The following SEPTIN4 variants were observed in gnomAD, a reference collection of about 807,000 sequenced individuals.
The protein encoded by SEPTIN4 is septin 4.
SEPTIN4 carries 52 observed loss-of-function variants against 107.1 expected under a neutral mutation model. The ratio of observed to expected loss-of-function variants is 0.49; its 90% confidence interval spans 0.39 to 0.61. The LOEUF is 0.61. Ranked by LOEUF, SEPTIN4 falls within the 20% of genes least tolerant of loss-of-function variation. SEPTIN4 has a pLI of 0.00. For synonymous variants in SEPTIN4, 417 were observed against 467.0 expected (o/e 0.89, Z 1.38); for missense variants, 1,048 against 1,243.5 (o/e 0.84, Z 2.36).
chr17:58,543,325 A>C lies in SEPTIN4; in HGVS notation c.862T>G (p.Ser288Ala). The part of the protein sequence containing the change: ...LKDSDGVHRV[S>A]ARVDPESLHK... ...AGAGACTCAGGGTCTACCCGTGCAG[A>C]AACTCGGTGTACACCATCAGAATCT... is the stretch of plus-strand genomic sequence containing the variant. The change falls in exon 1 of 14, where the codon TCT becomes GCT. Residue 288 changes from serine to alanine, a missense_variant. Physicochemically the swap from Ser to Ala is moderately conservative, Grantham distance 99. Coordinates refer to ENST00000672673, the MANE Select transcript of SEPTIN4 (RefSeq NM_001368771.2). The C allele has an allele frequency of 6.2e-7, 1 of 1,614,198 alleles. No individual in the cohort carries two copies. Among genetic ancestry groups the C allele is most frequent in the Non-Finnish European group, 8.5e-7 (1 of 1,180,034 alleles).
At position 58,543,067 on chromosome 17, in the gene SEPTIN4, G is replaced by C; in HGVS notation, c.1120C>G (p.Gln374Glu). Residue 374 changes from glutamine to glutamate, a missense_variant, in exon 1 of 14, where the codon CAG (glutamine) becomes GAG (glutamate). Transcript: ENST00000672673. ...ATTTCTGGGGGTTTTTGGGTTTGCT[G>C]TTTATAGATGGGCTCTGGAGTAACA... ...MFVTPEPIYKQQTQKPPEITY... is the reference protein window; with the variant it reads ...MFVTPEPIYKEQTQKPPEITY... 6.2e-7 allele frequency: 1 copy of C among 1,612,064 alleles called. No individual in the cohort carries two copies. The highest frequency in any genetic ancestry group is 8.5e-7 in the Non-Finnish European group (1 of 1,179,204).
chr17:58,526,028 T>C (rs569132170), intron 5 of SEPTIN4, among the ~76,000 whole-genome samples, 192 bp downstream of exon 5: 1 of 151,864 alleles, frequency 6.6e-6, no homozygotes, highest in East Asian at 1.9e-4. Context: ...TTGCAACCAA[T>C]TCGAACCCCC....
rs2043934001 is a variant in SEPTIN4, at chr17:58,543,294, T to C, written c.893A>G (p.Lys298Arg). The stretch of plus-strand genomic sequence containing the variant: ...CTTGGTTTCAGGATAGGCAGAATAC[T>C]TATGAAGAGACTCAGGGTCTACCCG... ...SARVDPESLH[K>R]YSAYPETKPS... Residue 298 changes from lysine (K) to arginine (R), a missense_variant, in exon 1 of 14, where the codon AAG (lysine) becomes AGG (arginine). Lys to Arg is a conservative substitution (Grantham distance 26, BLOSUM62 2). Transcript: ENST00000672673. The C allele has an allele frequency of 6.2e-7, 1 of 1,614,058 alleles. No homozygotes were observed. Among genetic ancestry groups the C allele is most frequent in the African/African-American group, 1.3e-5 (1 of 74,906 alleles).
intron 3 of SEPTIN4, chr17:58,532,165 A>C: frequency 1.0e-6 from 1 of 981,826 alleles, no homozygotes. Flanking sequence ...TGCCGGCGCG[A>C]AGTGGGTCGG....
chr17:58,543,474 G>C lies in SEPTIN4; in HGVS notation c.713C>G (p.Thr238Arg), dbSNP rs201776297. ...TTCTACAGGGACCCTTCTCTGGGCT[G>C]TCTGATAGTCTGCAGAGACACAGCT... Reference protein sequence around the residue: ...GSSCVSADYQTAQRRVPVEES... With the variant: ...GSSCVSADYQRAQRRVPVEES... The change falls in exon 1 of 14, where the codon ACA becomes AGA. Residue 238 changes from threonine to arginine, a missense_variant. Thr to Arg is a moderately conservative substitution (Grantham distance 71, BLOSUM62 -1). This residue lies in a region of SEPTIN4 where 787 missense variants were observed against 871.8 expected (regional missense o/e 0.90). Coordinates refer to ENST00000672673, the MANE Select transcript of SEPTIN4 (RefSeq NM_001368771.2). The C allele has an allele frequency of 1.6e-4, 259 of 1,614,208 alleles. 2 individuals are homozygous for C. In the East Asian group the frequency reaches 5.7e-3, roughly 35 times the overall value.
chr17:58,535,874 T>C (rs1433567629), intron 3 of SEPTIN4, among the ~76,000 whole-genome samples: 1 of 152,214 alleles, frequency 6.6e-6, no homozygotes, highest in Admixed American at 6.5e-5. Context: ...ACTCATTGAT[T>C]AGTTTTCCAT....
At chr17:58,535,348 C>G (rs1335863972) in intron 3 of SEPTIN4, among the ~76,000 whole-genome samples, 1 of 152,330 alleles carries the variant, frequency 6.6e-6, no homozygotes, top group African/African-American at 2.4e-5. Flanking sequence ...ATAGGGCAGA[C>G]AGTCCTTCCA....
At chr17:58,527,223 C>G in intron 3 of SEPTIN4, 1 of 742,874 alleles carries the variant, frequency 1.3e-6, no homozygotes, top group South Asian at 1.4e-5. Context: ...GCCCTGGGCA[C>G]CCCCAGAGCC....
At chr17:58,530,085 T>C (rs1304681103) in intron 3 of SEPTIN4, 1 of 152,196 alleles carries the variant, frequency 6.6e-6, no homozygotes, top group Non-Finnish European at 1.5e-5. Flanking sequence ...AGGTGGGAGA[T>C]AAATTAAGGG....
intron 4 of SEPTIN4, 109 bp downstream of exon 4, chr17:58,526,563 CACACACACAA>C (rs2042902580): frequency 7.0e-7 from 1 of 1,422,724 alleles, no homozygotes; most frequent in Non-Finnish European, 9.1e-7. Context: ...CCCAGATACA[CACACACACAA>C]ACACACACAC....
rs184137743 is a variant in SEPTIN4 at position 58,532,745 on chromosome 17, C to T, written c.1615-5767G>A. On this transcript the variant is annotated intron_variant, in intron 3 of 13. Coordinates refer to ENST00000672673, the MANE Select transcript of SEPTIN4 (RefSeq NM_001368771.2). ...TGGGGAGGGCCTCAGGAGAGGCCAA[C>T]CCAGGCGTGACCCAGGCCCAGCTGG... Among the ~76,000 whole-genome samples, 178 of 152,270 alleles carry T rather than the reference C, an allele frequency of 1.2e-3. 1 individual carries two copies. The highest frequency in any genetic ancestry group is 3.9e-3 in the African/African-American group (161 of 41,552).
chr17:58,526,391 T>A (rs2042878896), intron 4 of SEPTIN4, 78 bp from the exon 5 acceptor site: 2 of 1,401,462 alleles, frequency 1.4e-6, no homozygotes, highest in African/African-American at 3.0e-5. Context: ...CTTCTCTCCC[T>A]TTCAGGCCTT....
intron 13 of SEPTIN4, 116 bp from the exon 14 acceptor site, chr17:58,520,601 G>C: frequency 6.6e-7 from 1 of 1,508,922 alleles, no homozygotes; most frequent in Non-Finnish European, 9.2e-7. Context: ...AGGTGTGATG[G>C]AGACTCTGGA....
chr17:58,526,573 A>AACACACACACAAACAC lies in SEPTIN4; in HGVS notation c.1911+108_1911+109insGTGTTTGTGTGTGTGT, dbSNP rs2042914362. On this transcript the variant is annotated intron_variant, in intron 4 of 13. Transcript: ENST00000672673. Reference sequence around the variant, plus strand: ...TAGGTCCCAGATACACACACACACAAACACACACACACACACACACACACA... The same window carrying AACACACACACAAACAC: ...TAGGTCCCAGATACACACACACACAAACACACACACAAACACACACACACACACACACACACACACA... 2.3e-6 allele frequency: 3 copies of AACACACACACAAACAC among 1,303,804 alleles called. No homozygotes were observed. In the African/African-American group the frequency reaches 5.3e-5, roughly 23 times the overall value. The allele number at this position is 1,303,804 out of a possible 1,614,324, so 80.8% of individuals were successfully genotyped here.
In SEPTIN4 at chr17:58,544,193, G is replaced by C; in HGVS notation, c.-7C>G. 1.9e-6 allele frequency: 3 copies of C among 1,605,032 alleles called. No individual in the cohort carries two copies. Among genetic ancestry groups the C allele is most frequent in the Non-Finnish European group, 2.6e-6 (3 of 1,175,328 alleles). On this transcript the variant is annotated 5_prime_UTR_variant, in exon 1 of 14. It adds an upstream start codon to the 5' untranslated region. Coordinates refer to ENST00000672673, the MANE Select transcript of SEPTIN4 (RefSeq NM_001368771.2). ...GTTTATTTGTCTTGACCATCTGATAGATTGTGCCCTTCTGAGTAGATCCCG... is the reference window on the plus strand; with the variant it reads ...GTTTATTTGTCTTGACCATCTGATACATTGTGCCCTTCTGAGTAGATCCCG...
intron 3 of SEPTIN4, chr17:58,530,559 G>C (rs2043367963): frequency 6.6e-6 from 1 of 152,294 alleles, no homozygotes; most frequent in South Asian, 2.1e-4. Flanking sequence ...TGGGGTGGAG[G>C]GGGGTGTGTC....
intron 3 of SEPTIN4, 42 bp downstream of exon 3, chr17:58,540,624 G>A (rs1475649767): frequency 5.3e-6 from 7 of 1,328,688 alleles, no homozygotes; most frequent in African/African-American, 3.1e-5. Context: ...TTGTGGGGTG[G>A]GCCCAGGAAG....
chr17:58,525,487 A>G, intron 6 of SEPTIN4: 2 of 613,752 alleles, frequency 3.3e-6, no homozygotes, highest in Non-Finnish European at 5.7e-6. Flanking sequence ...TCAGAGAGCA[A>G]GACTCTGGTC....
At position 58,538,644 on chromosome 17, in the gene SEPTIN4, A is replaced by G. The variant is rs1381778158; in HGVS notation, c.1614+2022T>C. Among the ~76,000 whole-genome samples, 1 of 151,930 alleles carries G rather than the reference A, an allele frequency of 6.6e-6. No homozygotes were observed. Among genetic ancestry groups the G allele is most frequent in the Non-Finnish European group, 1.5e-5 (1 of 67,958 alleles). The stretch of plus-strand genomic sequence containing the variant: ...TTGCTAGTTCTGATCCCCAAAAAAA[A>G]CCCATCAGGAATGCTTCCCTTAGTC... On this transcript the variant is annotated intron_variant, in intron 3 of 13. Coordinates refer to ENST00000672673, the MANE Select transcript of SEPTIN4 (RefSeq NM_001368771.2). This position sits in a 1 kb window ranked among gnomAD's most constrained non-coding sequence, Gnocchi z 4.7.
Sources: allele counts gnomAD v4.1 joint callset (sites outside exome capture counted in the v4.1 genomes callset), GRCh38; gene constraint gnomAD v4.1.1; regional missense constraint gnomAD v4.1.1; non-coding constraint Gnocchi (gnomAD v3.1); transcripts MANE v1.5; gene names NCBI Gene and HGNC (gene_info 2026-07-23, HGNC 2026-07-21).